UGT1A7: variants seen among roughly 807,000 people sequenced by gnomAD.
UGT1A7 encodes UDP glucuronosyltransferase family 1 member A7.
In UGT1A7, 33 loss-of-function variants were observed where a neutral mutation model predicts 45.6. That is an observed-to-expected ratio of 0.72 (90% CI 0.55 to 0.97). UGT1A7 has a LOEUF of 0.97. UGT1A7 is among the 50% of genes least tolerant of loss of function. The pLI, the probability that UGT1A7 is intolerant of heterozygous loss-of-function variation, is 0.00. For synonymous variants in UGT1A7, 274 were observed against 250.6 expected, an observed-to-expected ratio of 1.09 and a Z score of -0.88; for missense variants, 684 against 666.2, an observed-to-expected ratio of 1.03 and a Z score of -0.29.
chr2:233,706,284 C>G (rs1160416352), intron 1 of UGT1A7, among the ~76,000 whole-genome samples: 2 of 151,946 alleles, frequency 1.3e-5, no homozygotes, highest in Non-Finnish European at 1.5e-5. Flanking sequence ...AGGGGTGGGG[C>G]CCAGTGCCAG....
At chr2:233,724,792 G>A (rs992945436) in intron 1 of UGT1A7, among the ~76,000 whole-genome samples, 1 of 140,672 alleles carries the variant, frequency 7.1e-6, no homozygotes, top group Non-Finnish European at 1.5e-5. Flanking sequence ...CTTCCCAGAC[G>A]GGGTGGCGGC....
intron 1 of UGT1A7, among the ~76,000 whole-genome samples, chr2:233,733,960 G>T (rs2078458395): frequency 6.6e-6 from 1 of 151,916 alleles, no homozygotes; most frequent in African/African-American, 2.4e-5. Flanking sequence ...CTGTTGTGGG[G>T]TAGGGGGAGC....
intron 1 of UGT1A7, chr2:233,729,964 A>G: frequency 6.2e-7 from 1 of 1,614,074 alleles, no homozygotes; most frequent in East Asian, 2.2e-5. Context: ...TGGGGGCATC[A>G]ACTGTGCCAA....
chr2:233,736,925 G>A lies in UGT1A7; in HGVS notation c.856-30109G>A, dbSNP rs188632907. Among the ~76,000 whole-genome samples, 72 of 152,232 alleles carry A rather than the reference G, an allele frequency of 4.7e-4. 1 individual carries two copies. The Middle Eastern group carries it at 0.014, about 29-fold the overall frequency. On this transcript the variant is annotated intron_variant, in intron 1 of 4. Coordinates refer to ENST00000373426, the MANE Select transcript of UGT1A7 (RefSeq NM_019077.3). ...CCTCTGGAAGCTTCATACCAGAGGC[G>A]CACCCACCTATATGAGGTGTCTGTT...
chr2:233,761,750 G>A (rs1428006312), intron 1 of UGT1A7, among the ~76,000 whole-genome samples: 1 of 152,244 alleles, frequency 6.6e-6, no homozygotes, highest in Non-Finnish European at 1.5e-5. Context: ...AGAGTTTGAA[G>A]TATGCAAAAA....
At chr2:233,701,908 G>A (rs1360609190) in intron 1 of UGT1A7, among the ~76,000 whole-genome samples, 2 of 151,992 alleles carry the variant, frequency 1.3e-5, no homozygotes. Context: ...ATCTAAAATT[G>A]ACACCCTAAC....
chr2:233,716,785 T>C (rs1675304459), intron 1 of UGT1A7, among the ~76,000 whole-genome samples: 1 of 152,184 alleles, frequency 6.6e-6, no homozygotes, highest in South Asian at 2.1e-4. Context: ...GCTTTCGGGA[T>C]GCCTTTTTCT....
intron 1 of UGT1A7, chr2:233,690,756 GACATACACACACACAC>G (rs2075007823): frequency 2.7e-6 from 3 of 1,107,062 alleles, no homozygotes; most frequent in African/African-American, 2.3e-5. Context: ...GTCCAGTGCA[GACATACACACACACAC>G]ACATACACAC....
At position 233,713,243 on chromosome 2, in the gene UGT1A7, G is replaced by A. The variant is rs1157083757; in HGVS notation, c.855+30451G>A. ...CCCTGACAACGTATGCCATTTCATG[G>A]ACCCAGGACGAATTTGATCGCCTTT... On this transcript the variant is annotated intron_variant, in intron 1 of 4. Transcript: ENST00000373426. The A allele has an allele frequency of 1.2e-6, 2 of 1,614,222 alleles. 1 individual carries two copies. The highest frequency in any genetic ancestry group is 2.2e-5 in the South Asian group (2 of 91,088).
chr2:233,706,754 C>T (rs6725478), intron 1 of UGT1A7, among the ~76,000 whole-genome samples: 64,190 of 151,890 alleles, frequency 0.42, 14,632 homozygotes, highest in African/African-American at 0.59. Context: ...AGCAGAGTGC[C>T]GTACACTGGT....
chr2:233,693,372 T>G (rs1266253057), intron 1 of UGT1A7: 3 of 1,614,178 alleles, frequency 1.9e-6, no homozygotes, highest in Non-Finnish European at 1.7e-6. Context: ...GGCCTGTACT[T>G]CATCAACTGC....
intron 1 of UGT1A7, chr2:233,722,014 C>G (rs2076986422): frequency 3.9e-6 from 1 of 254,156 alleles, no homozygotes; most frequent in Non-Finnish European, 7.9e-6. Context: ...AACAGGAAAA[C>G]TGAAACCTCT....
intron 1 of UGT1A7, chr2:233,713,534 C>T (rs1306966284): frequency 6.2e-7 from 1 of 1,613,828 alleles, no homozygotes; most frequent in African/African-American, 1.3e-5. Flanking sequence ...GTGATTTAGA[C>T]TTTAAGGGCA....
intron 1 of UGT1A7, chr2:233,693,547 A>C: frequency 6.2e-7 from 1 of 1,614,164 alleles, no homozygotes; most frequent in Non-Finnish European, 8.5e-7. Flanking sequence ...TGGAGCATAC[A>C]TTCAGCAGAA....
At chr2:233,748,319 T>C (rs554683228) in intron 1 of UGT1A7, among the ~76,000 whole-genome samples, 1 of 151,864 alleles carries the variant, frequency 6.6e-6, no homozygotes, top group South Asian at 2.1e-4. Flanking sequence ...GGACTAGGAC[T>C]GATGTGACTC....
intron 1 of UGT1A7, among the ~76,000 whole-genome samples, chr2:233,695,963 C>CTAATTCAGTTCT (rs2075316258): frequency 6.6e-6 from 1 of 152,174 alleles, no homozygotes; most frequent in Non-Finnish European, 1.5e-5. Flanking sequence ...TGGGTGTCCT[C>CTAATTCAGTTCT]TAATTCAGTT....
At chr2:233,684,485 G>T (rs1229597052) in intron 1 of UGT1A7, among the ~76,000 whole-genome samples, 11 of 151,942 alleles carry the variant, frequency 7.2e-5, no homozygotes, top group Non-Finnish European at 1.6e-4. Context: ...TGGCTCAAAG[G>T]GTCACCCAAA....
chr2:233,709,294 T>C (rs1249684185), intron 1 of UGT1A7, among the ~76,000 whole-genome samples: 1 of 152,196 alleles, frequency 6.6e-6, no homozygotes, highest in Non-Finnish European at 1.5e-5. Flanking sequence ...CAATTAATGA[T>C]ATTTTCTATT....
At chr2:233,762,823 A>T (rs1219998858) in intron 1 of UGT1A7, among the ~76,000 whole-genome samples, 1 of 151,946 alleles carries the variant, frequency 6.6e-6, no homozygotes, top group East Asian at 1.9e-4. Context: ...ATTGATTTTC[A>T]TAATAAAAAA....
Sources: gnomAD v4.1 joint callset for allele counts (sites outside exome capture counted in the v4.1 genomes callset) on GRCh38, gnomAD v4.1.1 for gene constraint, MANE v1.5 for transcripts, NCBI Gene and HGNC (gene_info 2026-07-23, HGNC 2026-07-21) for gene names.